MTAP: variants seen among roughly 807,000 people sequenced by gnomAD.
The protein encoded by MTAP is S-methyl-5'-thioadenosine phosphorylase.
Under a neutral mutation model 33.6 loss-of-function variants are expected in MTAP, and 33 were observed. That is an observed-to-expected ratio of 0.98 (90% CI 0.74 to 1.31). MTAP has a LOEUF of 1.31. MTAP is among the 40% of genes most tolerant of loss of function. The probability of loss-of-function intolerance (pLI) is 0.00; values close to 1 mark genes in which losing one functional copy is unlikely to be tolerated. For missense variants in MTAP, 367 were observed against 360.0 expected (o/e 1.02, Z -0.16); for synonymous variants, 148 against 125.7 (o/e 1.18, Z -1.19).
At chr9:21,838,758 A>G (rs1305921456) in intron 5 of MTAP, among the ~76,000 whole-genome samples, 2 of 152,230 alleles carry the variant, frequency 1.3e-5, no homozygotes, top group East Asian at 1.9e-4. Context: ...TAAGAAGCCT[A>G]TGGCTTGGTC....
At position 21,884,272 on chromosome 9, in the gene MTAP, G is replaced by A. The variant is rs545818663; in HGVS notation, c.147+29402G>A. ...GATACACCAACACATATATAAAAACGGTCATAGACGTTTTGTTTTAATTGC... is the reference window on the plus strand; with the variant it reads ...GATACACCAACACATATATAAAAACAGTCATAGACGTTTTGTTTTAATTGC... On this transcript the variant is annotated intron_variant, in intron 1 of 1. Transcript: ENST00000577563. Among the ~76,000 whole-genome samples, 11 of 152,098 alleles carry A rather than the reference G, an allele frequency of 7.2e-5. No individual in the cohort carries two copies. The South Asian group carries it at 2.3e-3, about 32-fold the overall frequency.
At position 21,840,115 on chromosome 9, in the gene MTAP, A is replaced by C. The variant is rs377524066; in HGVS notation, c.450+2105A>C. ...GTGGCAGGCACCTATAGTCCCAGCT[A>C]CTTGGGAGGCTGAGGCAGGAGAATC... On this transcript the variant is annotated intron_variant, in intron 5 of 7. Transcript: ENST00000644715. 4.6e-5 allele frequency among the ~76,000 whole-genome samples: 7 copies of C among 152,226 alleles called. 1 individual carries two copies. Among genetic ancestry groups the C allele is most frequent in the African/African-American group, 1.7e-4 (7 of 41,538 alleles).
chr9:21,917,454 G>T (rs1393175530), intron 1 of MTAP, among the ~76,000 whole-genome samples: 1 of 152,110 alleles, frequency 6.6e-6, no homozygotes, highest in African/African-American at 2.4e-5. Context: ...AGACTAGAAG[G>T]GAGCAACTGG....
intron 1 of MTAP, chr9:21,929,890 TA>T (rs1818928899): frequency 2.9e-6 from 1 of 348,926 alleles, no homozygotes; most frequent in African/African-American, 2.1e-5. Context: ...GTATAGCTTG[TA>T]ATGTTACTCT....
At chr9:21,940,984 A>G, downstream of MTAP, 3 of 985,328 alleles carry the variant, frequency 3.0e-6, no homozygotes, top group South Asian at 9.4e-5. Flanking sequence ...ACAACTTTCA[A>G]AGTGAGTTGG....
At chr9:21,869,738 A>G (rs949615477), downstream of MTAP, among the ~76,000 whole-genome samples, 4 of 152,160 alleles carry the variant, frequency 2.6e-5, no homozygotes, top group African/African-American at 9.7e-5. Flanking sequence ...ACTATTCCTC[A>G]TTACAGCTAC....
chr9:21,816,678 T>C, intron 2 of MTAP, 36 bp from the exon 3 acceptor site: 3 of 1,586,454 alleles, frequency 1.9e-6, no homozygotes, highest in Non-Finnish European at 2.6e-6. Flanking sequence ...TGTTTTTAAA[T>C]CACTGAGTTA....
intron 1 of MTAP, among the ~76,000 whole-genome samples, chr9:21,920,993 A>G (rs1050949687): frequency 2.0e-5 from 3 of 152,100 alleles, no homozygotes; most frequent in Admixed American, 6.5e-5. Context: ...TTTTTCTTTA[A>G]AAGTTTGACA....
At chr9:21,841,542 T>A (rs1024711247) in intron 5 of MTAP, among the ~76,000 whole-genome samples, 1 of 152,190 alleles carries the variant, frequency 6.6e-6, no homozygotes, top group Non-Finnish European at 1.5e-5. Flanking sequence ...CCCTGCCACA[T>A]CTACCAGAGC....
chr9:21,843,539 T>A (rs1262601487), intron 5 of MTAP, among the ~76,000 whole-genome samples: 2 of 152,120 alleles, frequency 1.3e-5, no homozygotes, highest in East Asian at 3.8e-4. Flanking sequence ...CAAAATTATA[T>A]CAAGTACTCT....
At chr9:21,830,096 A>C (rs567031386) in intron 4 of MTAP, among the ~76,000 whole-genome samples, 20 of 152,222 alleles carry the variant, frequency 1.3e-4, no homozygotes, top group Non-Finnish European at 2.9e-4. Context: ...TTCTCATTCA[A>C]GTAAATTCCA....
chr9:21,810,962 C>T (rs542275455), intron 1 of MTAP, among the ~76,000 whole-genome samples: 5 of 152,278 alleles, frequency 3.3e-5, no homozygotes, highest in African/African-American at 1.2e-4. Context: ...TTTTGCAAGG[C>T]CCTGACAGGC....
In MTAP at chr9:21,854,533, A is replaced by G. The variant is rs1032176766; in HGVS notation, c.451-98A>G. The G allele has an allele frequency of 6.3e-6, 9 of 1,430,716 alleles. No individual in the cohort carries two copies. The East Asian group carries it at 9.3e-5, about 15-fold the overall frequency. 88.6% of individuals were successfully genotyped at this position (1,430,716 alleles called of 1,614,324 possible). A position where few individuals can be genotyped will look rare whatever the true frequency, so the allele number is the denominator to read the frequency against. On this transcript the variant is annotated intron_variant, in intron 5 of 7. Transcript: ENST00000644715. ...TAGGCATTTATTATAGTGACAAATC[A>G]TCTTTAAGAAATCAACTTGGTAAAC...
At chr9:21,938,214 C>A (rs1040442704), downstream of MTAP, among the ~76,000 whole-genome samples, 1 of 149,912 alleles carries the variant, frequency 6.7e-6, no homozygotes, top group African/African-American at 2.5e-5. Flanking sequence ...GCAGAGGTTG[C>A]AGTGAGCCAA....
At chr9:21,887,902 G>T (rs1043089140) in intron 1 of MTAP, among the ~76,000 whole-genome samples, 4 of 152,140 alleles carry the variant, frequency 2.6e-5, no homozygotes, top group Non-Finnish European at 5.9e-5. Context: ...TTGTAAAAGG[G>T]TTTGAGTTCT....
At chr9:21,851,104 G>T (rs1173730436) in intron 5 of MTAP, among the ~76,000 whole-genome samples, 2 of 152,188 alleles carry the variant, frequency 1.3e-5, no homozygotes, top group Non-Finnish European at 2.9e-5. Context: ...CTGTAATTAA[G>T]GTCATTGGGA....
intron 1 of MTAP, among the ~76,000 whole-genome samples, chr9:21,924,910 G>T (rs976786500): frequency 6.6e-6 from 1 of 152,208 alleles, no homozygotes; most frequent in African/African-American, 2.4e-5. Context: ...CCATAAACTG[G>T]GCTTAACATT....
chr9:21,863,562 G>T lies in MTAP; in HGVS notation c.*1548G>T. 1 of 805,970 alleles carries T rather than the reference G, an allele frequency of 1.2e-6. No homozygotes were observed. The highest frequency in any genetic ancestry group is 5.7e-5 in the South Asian group (1 of 17,572). 49.9% of individuals were successfully genotyped at this position (805,970 alleles called of 1,614,324 possible). On this transcript the variant is annotated 3_prime_UTR_variant, in exon 8 of 8. Coordinates refer to ENST00000644715, the MANE Select transcript of MTAP (RefSeq NM_002451.4). ...GTGGAGCTTGCAGTGAGCAGAGCTT[G>T]CAGTGAGACGAGCTTGTGCCACTGC...
rs943652937 is a variant in MTAP, at chr9:21,909,730, C to A, written c.148-21278C>A. On this transcript the variant is annotated intron_variant, in intron 1 of 1. Transcript: ENST00000577563. ...ATAAAAATAGCTAACATTCATTTAA[C>A]ACTTTCCATGTGCCAGATAGTATGG... 2.6e-5 allele frequency among the ~76,000 whole-genome samples: 4 copies of A among 152,258 alleles called. No individual in the cohort carries two copies. The East Asian group carries it at 7.7e-4, about 29-fold the overall frequency.
Sources: gnomAD v4.1 joint callset for allele counts (sites outside exome capture counted in the v4.1 genomes callset) on GRCh38, gnomAD v4.1.1 for gene constraint, MANE v1.5 for transcripts, NCBI Gene and HGNC (gene_info 2026-07-23, HGNC 2026-07-21) for gene names.